The following FBXL20 variants were observed in gnomAD, a reference collection of about 807,000 sequenced individuals.
FBXL20 encodes F-box and leucine rich repeat protein 20.
FBXL20 carries 11 observed loss-of-function variants against 64.0 expected under a neutral mutation model. The observed-to-expected ratio is 0.17, with a 90% confidence interval of 0.11 to 0.28. The LOEUF (loss-of-function observed/expected upper bound fraction) is 0.28, where lower values mean the gene tolerates loss of function less well. FBXL20 is among the 10% of genes least tolerant of loss of function. The pLI, the probability that FBXL20 is intolerant of heterozygous loss-of-function variation, is 1.00. For missense variants in FBXL20, 303 were observed against 526.2 expected, an observed-to-expected ratio of 0.58 and a Z score of 4.15; for synonymous variants, 184 against 189.0, an observed-to-expected ratio of 0.97 and a Z score of 0.22.
chr17:39,278,709 G>A (rs111475122), intron 9 of FBXL20, among the ~76,000 whole-genome samples: 3 of 139,392 alleles, frequency 2.2e-5, no homozygotes, highest in Non-Finnish European at 3.1e-5. Context: ...CACTACGCCC[G>A]GGCTAATTTT....
chr17:39,261,548 T>A lies in FBXL20; in HGVS notation c.1223A>T (p.Lys408Ile). 1 of 1,613,418 alleles carries A rather than the reference T, an allele frequency of 6.2e-7. No individual in the cohort carries two copies. Among genetic ancestry groups the A allele is most frequent in the Non-Finnish European group, 8.5e-7 (1 of 1,179,548 alleles). ...GACAGGTGCGAAGTAGGCGTGGACT[T>A]TAATATTGGGTAAATGGGTCTGAAA... is the stretch of plus-strand genomic sequence containing the variant. ...KRLRTHLPNI[K>I]VHAYFAPVTP... The change falls in exon 15 of 15, where the codon AAA becomes ATA. Residue 408 changes from lysine (K) to isoleucine (I), a missense_variant. By Grantham distance (102) the Lys-to-Ile change is moderately radical. Transcript: ENST00000264658.
chr17:39,378,537 C>G lies in FBXL20; in HGVS notation c.42+22824G>C, dbSNP rs2047992198. Among the ~76,000 whole-genome samples the G allele has an allele frequency of 2.0e-5, 3 of 152,102 alleles. No homozygotes were observed. The South Asian group carries it at 6.2e-4, about 32-fold the overall frequency. ...AACAGGCACACAAAAAGATGGTCAA[C>G]ATCATTCATTAGACAATTACAAAGC... is the stretch of plus-strand genomic sequence containing the variant. On this transcript the variant is annotated intron_variant, in intron 1 of 14. Transcript: ENST00000264658.
At chr17:39,276,415 A>G (rs2046895256) in intron 9 of FBXL20, among the ~76,000 whole-genome samples, 1 of 151,504 alleles carries the variant, frequency 6.6e-6, no homozygotes, top group African/African-American at 2.4e-5. Context: ...TCAAGCCTGT[A>G]ACCCCAGCAC....
chr17:39,333,000 G>C (rs1205906168), intron 2 of FBXL20, among the ~76,000 whole-genome samples: 3 of 151,102 alleles, frequency 2.0e-5, no homozygotes, highest in Non-Finnish European at 4.4e-5. Context: ...ATAGTGCCTA[G>C]CCATGTTACC....
intron 1 of FBXL20, among the ~76,000 whole-genome samples, chr17:39,347,327 A>G (rs2047643446): frequency 6.6e-6 from 1 of 152,110 alleles, no homozygotes; most frequent in Non-Finnish European, 1.5e-5. Context: ...AAGTGTTTCT[A>G]TTTCTCCACA....
rs1346906322 is a variant in FBXL20, at chr17:39,259,937, T to C, written c.*1523A>G. 6.7e-5 allele frequency: 9 copies of C among 133,554 alleles called. No individual in the cohort carries two copies. Among genetic ancestry groups the C allele is most frequent in the African/African-American group, 2.6e-4 (9 of 34,084 alleles). 8.3% of individuals were successfully genotyped at this position (133,554 alleles called of 1,614,324 possible). A position where few individuals can be genotyped will look rare whatever the true frequency, so the allele number is the denominator to read the frequency against. ...AAGTGGAGGTTGCGGTGAGCCGAGA[T>C]CGCACCACTGCACTCCAGTCTGGGC... On this transcript the variant is annotated 3_prime_UTR_variant, in exon 15 of 15. Transcript: ENST00000264658.
chr17:39,283,868 T>C (rs2046967676), intron 7 of FBXL20, among the ~76,000 whole-genome samples: 1 of 152,198 alleles, frequency 6.6e-6, no homozygotes, highest in Admixed American at 6.6e-5. Flanking sequence ...ACTCCATAAA[T>C]TGTTTGAAAT....
chr17:39,327,629 T>A (rs1167179632), intron 2 of FBXL20, among the ~76,000 whole-genome samples: 1 of 147,910 alleles, frequency 6.8e-6, no homozygotes, highest in African/African-American at 2.7e-5. Flanking sequence ...AAAAACCATA[T>A]ATTTATTAAA....
chr17:39,360,919 G>C (rs958960112), intron 1 of FBXL20, among the ~76,000 whole-genome samples: 1 of 152,108 alleles, frequency 6.6e-6, no homozygotes, highest in African/African-American at 2.4e-5. Context: ...TAGTCTACAT[G>C]TATTAATACA....
At position 39,358,721 on chromosome 17, in the gene FBXL20, AC is replaced by A. The variant is rs577426354; in HGVS notation, c.43-15481del. ...AAACAAAAAAACAAACAAAAAAAACACCTCTCAGTAGAAACAATAACAACAC... is the reference window on the plus strand; with the variant it reads ...AAACAAAAAAACAAACAAAAAAAACACTCTCAGTAGAAACAATAACAACAC... On this transcript the variant is annotated intron_variant, in intron 1 of 14. Coordinates refer to ENST00000264658, the MANE Select transcript of FBXL20 (RefSeq NM_032875.3). Among the ~76,000 whole-genome samples the A allele has an allele frequency of 1.8e-3, 274 of 151,854 alleles. 2 individuals are homozygous for A. Among genetic ancestry groups the A allele is most frequent in the African/African-American group, 6.1e-3 (252 of 41,430 alleles).
intron 9 of FBXL20, among the ~76,000 whole-genome samples, chr17:39,280,310 G>A (rs1375497452): frequency 6.6e-6 from 1 of 150,714 alleles, no homozygotes; most frequent in Non-Finnish European, 1.5e-5. Flanking sequence ...GGCAGAGGTA[G>A]GAGAATTGTT....
At chr17:39,352,053 G>A (rs999560314) in intron 1 of FBXL20, among the ~76,000 whole-genome samples, 104 of 152,276 alleles carry the variant, frequency 6.8e-4, no homozygotes, top group African/African-American at 2.4e-3. Context: ...GCACGCGCGT[G>A]CACGCTATTA....
Position 39,350,681 on chromosome 17 carries a change from A to G in FBXL20, c.43-7440T>C, listed in dbSNP as rs564924591. ...ATGTGTAAGACATCTGTCCAGATTT[A>G]TATTTCCCTCCCCTTTCTTCTGCAC... On this transcript the variant is annotated intron_variant, in intron 1 of 14. Coordinates refer to ENST00000264658, the MANE Select transcript of FBXL20 (RefSeq NM_032875.3). Among the ~76,000 whole-genome samples, 60 of 152,302 alleles carry G rather than the reference A, an allele frequency of 3.9e-4. No individual in the cohort carries two copies. In the South Asian group the frequency reaches 0.012, roughly 32 times the overall value.
intron 4 of FBXL20, among the ~76,000 whole-genome samples, chr17:39,299,892 T>A (rs902540087): frequency 6.6e-6 from 1 of 151,662 alleles, no homozygotes; most frequent in Non-Finnish European, 1.5e-5. Context: ...AGGTCAGGAG[T>A]TCGATACAAG....
chr17:39,325,713 A>G (rs1417264505), intron 2 of FBXL20, among the ~76,000 whole-genome samples: 2 of 152,142 alleles, frequency 1.3e-5, no homozygotes, highest in Non-Finnish European at 2.9e-5. Context: ...TTACTGACTG[A>G]CCTCTGAACA....
intron 2 of FBXL20, among the ~76,000 whole-genome samples, chr17:39,337,824 G>A (rs1346506168): frequency 3.3e-5 from 5 of 151,798 alleles, no homozygotes; most frequent in African/African-American, 1.2e-4. Flanking sequence ...GGGAGGTGGG[G>A]GGTCAGCCCC....
In FBXL20 at chr17:39,258,438, T is replaced by G. The variant is rs998351752; in HGVS notation, c.*3022A>C. 1.3e-5 allele frequency: 2 copies of G among 152,248 alleles called. No homozygotes were observed. The highest frequency in any genetic ancestry group is 2.9e-5 in the Non-Finnish European group (2 of 68,050). The allele number at this position is 152,248 out of a possible 1,614,324, so 9.4% of individuals were successfully genotyped here. On this transcript the variant is annotated 3_prime_UTR_variant, in exon 15 of 15. Transcript: ENST00000264658. The stretch of plus-strand genomic sequence containing the variant: ...TTGAGAAAGGAACAAGGCTTCTGCC[T>G]GACAACATACAAGCCAGTGCTGCAC...
chr17:39,314,309 G>C (rs1230453315), intron 2 of FBXL20, among the ~76,000 whole-genome samples: 1 of 152,066 alleles, frequency 6.6e-6, no homozygotes, highest in Non-Finnish European at 1.5e-5. Context: ...CCATTCTCCA[G>C]TTAATGGACA....
intron 1 of FBXL20, among the ~76,000 whole-genome samples, chr17:39,400,735 G>A (rs2048233212): frequency 6.6e-6 from 1 of 152,104 alleles, no homozygotes; most frequent in African/African-American, 2.4e-5. Flanking sequence ...CTGAACTTTC[G>A]TCCCAATCTC....
Sources: gnomAD v4.1 joint callset for allele counts (sites outside exome capture counted in the v4.1 genomes callset) on GRCh38, gnomAD v4.1.1 for gene constraint, MANE v1.5 for transcripts, NCBI Gene and HGNC (gene_info 2026-07-23, HGNC 2026-07-21) for gene names.